SRGAP1: variants seen among roughly 807,000 people sequenced by gnomAD.
The protein encoded by SRGAP1 is SLIT-ROBO Rho GTPase-activating protein 1.
A neutral mutation model predicts 121.9 loss-of-function variants in SRGAP1; 43 were observed. The ratio of observed to expected loss-of-function variants is 0.35; its 90% CI spans 0.28 to 0.46. SRGAP1 has a LOEUF of 0.46. SRGAP1 is among the 20% of genes least tolerant of loss of function. The pLI is 1.00. For missense variants in SRGAP1, 1,102 were observed against 1,350.9 expected (o/e 0.82, Z 2.89); for synonymous variants, 447 against 485.4 (o/e 0.92, Z 1.04).
chr12:64,144,771 A>G lies in SRGAP1; in HGVS notation c.*2099A>G, dbSNP rs947717472. On this transcript the variant is annotated 3_prime_UTR_variant, in exon 22 of 22. Coordinates refer to ENST00000355086, the MANE Select transcript of SRGAP1 (RefSeq NM_020762.4). ...CAGCCAAGACTGAGCTTTGAATAGCACTAGCCCTTTTAAACAATCCTCACA... is the reference window on the plus strand; with the variant it reads ...CAGCCAAGACTGAGCTTTGAATAGCGCTAGCCCTTTTAAACAATCCTCACA... The G allele has an allele frequency of 1.3e-5, 2 of 149,944 alleles. No homozygotes were observed. The highest frequency in any genetic ancestry group is 1.3e-4 in the Admixed American group (2 of 14,938). 9.3% of individuals were successfully genotyped at this position (149,944 alleles called of 1,614,324 possible). A position where few individuals can be genotyped will look rare whatever the true frequency, so the allele number is the denominator to read the frequency against.
intron 3 of SRGAP1, among the ~76,000 whole-genome samples, chr12:63,998,103 A>G (rs760810914): frequency 3.9e-5 from 6 of 152,134 alleles, no homozygotes; most frequent in Non-Finnish European, 7.3e-5. Context: ...GTGACATACT[A>G]TATATTTACT....
At chr12:63,902,611 C>T (rs548308278) in intron 1 of SRGAP1, among the ~76,000 whole-genome samples, 17 of 152,264 alleles carry the variant, frequency 1.1e-4, no homozygotes, top group African/African-American at 4.1e-4. Context: ...TAACTAAATC[C>T]ATTTTAATAT....
chr12:63,893,872 T>A (rs377610179), intron 1 of SRGAP1, among the ~76,000 whole-genome samples: 7 of 152,262 alleles, frequency 4.6e-5, no homozygotes, highest in African/African-American at 1.4e-4. Context: ...AGAGTCTTGC[T>A]CTGTTGCCCA....
In SRGAP1 at chr12:63,949,188, T is replaced by TTTTCCATATATATATATA. The variant is rs2032193861; in HGVS notation, c.68-34756_68-34755insCCATATATATATATATTT. ...TATATATATTTTTTCCATATATATT[T>TTTTCCATATATATATATA]TTTTTTCCATATATATATATATTTT... is the stretch of plus-strand genomic sequence containing the variant. On this transcript the variant is annotated intron_variant, in intron 1 of 21. Transcript: ENST00000355086. Among the ~76,000 whole-genome samples the TTTTCCATATATATATATA allele has an allele frequency of 2.2e-5, 3 of 136,592 alleles. No individual in the cohort carries two copies. The South Asian group carries it at 6.8e-4, about 31-fold the overall frequency. 89.6% of individuals were successfully genotyped at this position (136,592 alleles called of 152,430 possible).
chr12:64,154,709 G>A lies in SRGAP1; in HGVS notation c.*12037G>A, dbSNP rs1414237799. The A allele has an allele frequency of 6.6e-6, 1 of 152,192 alleles. No homozygotes were observed. The highest frequency in any genetic ancestry group is 1.5e-5 in the Non-Finnish European group (1 of 68,058). The allele number at this position is 152,192 out of a possible 1,614,324, so 9.4% of individuals were successfully genotyped here. On this transcript the variant is annotated 3_prime_UTR_variant, in exon 22 of 22. Coordinates refer to ENST00000355086, the MANE Select transcript of SRGAP1 (RefSeq NM_020762.4). ...TTAGACTTCCAAGTGGAGAAGTCTA[G>A]GAGGCAGATGGACTTGAAGCTCAGG...
In SRGAP1 at chr12:64,095,001, T is replaced by TA. The variant is rs760900167; in HGVS notation, c.1600+12dup. ...GTTCATCAATCTCTATGGTAAGCCA[T>TA]AAACTACAGAATTCTTATTTTTTAA... On this transcript the variant is annotated intron_variant, in intron 13 of 21. Coordinates refer to ENST00000355086, the MANE Select transcript of SRGAP1 (RefSeq NM_020762.4). 2.5e-6 allele frequency: 4 copies of TA among 1,613,876 alleles called. No individual in the cohort carries two copies. The South Asian group carries it at 4.4e-5, about 18-fold the overall frequency.
chr12:63,967,066 T>A (rs1475528130), intron 1 of SRGAP1, among the ~76,000 whole-genome samples: 1 of 152,250 alleles, frequency 6.6e-6, no homozygotes, highest in Non-Finnish European at 1.5e-5. Context: ...TCTGGAAGTT[T>A]GATATTTATT....
chr12:63,959,060 A>G (rs2032558607), intron 1 of SRGAP1, among the ~76,000 whole-genome samples: 1 of 152,178 alleles, frequency 6.6e-6, no homozygotes, highest in African/African-American at 2.4e-5. Context: ...CCAGAAGATG[A>G]GAGTTACTTT....
intron 1 of SRGAP1, among the ~76,000 whole-genome samples, chr12:63,945,573 A>T (rs574232151): frequency 6.6e-6 from 1 of 152,218 alleles, no homozygotes; most frequent in Non-Finnish European, 1.5e-5. Flanking sequence ...TATCTTGTGG[A>T]TTCCACAACT....
At position 63,899,100 on chromosome 12, in the gene SRGAP1, C is replaced by T. The variant is rs538107048; in HGVS notation, c.67+54217C>T. On this transcript the variant is annotated intron_variant, in intron 1 of 21. Transcript: ENST00000355086. ...CTCAAAAATAGAACCAGGCTGGGCACGATGGCTCACACCTGTAATCCCAGC... is the reference window on the plus strand; with the variant it reads ...CTCAAAAATAGAACCAGGCTGGGCATGATGGCTCACACCTGTAATCCCAGC... Among the ~76,000 whole-genome samples, 9 of 152,232 alleles carry T rather than the reference C, an allele frequency of 5.9e-5. No homozygotes were observed. In the East Asian group the frequency reaches 7.7e-4, roughly 13 times the overall value.
At chr12:64,059,437 G>A (rs372815433) in intron 6 of SRGAP1, among the ~76,000 whole-genome samples, 5 of 151,842 alleles carry the variant, frequency 3.3e-5, no homozygotes, top group African/African-American at 1.2e-4. Context: ...TTTTGTGGGA[G>A]GTGGAGGCTT....
chr12:63,954,205 A>G (rs961643731), intron 1 of SRGAP1, among the ~76,000 whole-genome samples: 2 of 152,254 alleles, frequency 1.3e-5, no homozygotes, highest in African/African-American at 2.4e-5. Flanking sequence ...GTAGTTTTAT[A>G]TAACTCTATT....
intron 1 of SRGAP1, among the ~76,000 whole-genome samples, chr12:63,941,512 G>A (rs371102781): frequency 6.6e-6 from 1 of 152,056 alleles, no homozygotes; most frequent in African/African-American, 2.4e-5. Flanking sequence ...GAAGCTCATG[G>A]TTTTCTCTAA....
intron 17 of SRGAP1, among the ~76,000 whole-genome samples, chr12:64,115,610 A>C (rs997009918): frequency 1.3e-5 from 2 of 152,024 alleles, no homozygotes; most frequent in African/African-American, 2.4e-5. Flanking sequence ...AAAAATTAAA[A>C]ATTAGTCAGG....
At chr12:63,922,159 A>T (rs2031082859) in intron 1 of SRGAP1, among the ~76,000 whole-genome samples, 1 of 151,890 alleles carries the variant, frequency 6.6e-6, no homozygotes, top group Admixed American at 6.6e-5. Context: ...TTGTATTTTT[A>T]TTAGAGACGG....
intron 1 of SRGAP1, among the ~76,000 whole-genome samples, chr12:63,882,771 A>G (rs1216366772): frequency 6.6e-6 from 1 of 152,204 alleles, no homozygotes; most frequent in Admixed American, 6.5e-5. Context: ...AAATTAACTA[A>G]CTTCTTAGAT....
chr12:64,036,078 CG>C lies in SRGAP1; in HGVS notation c.490-6709del, dbSNP rs1342141940. ...TGGTTCCAGAGTCTGTGTTCATCAG[CG>C]GGTTTGGCCAGGTATACTAAAGAGC... On this transcript the variant is annotated intron_variant, in intron 4 of 21. Transcript: ENST00000355086. Among the ~76,000 whole-genome samples, 5 of 152,264 alleles carry C rather than the reference CG, an allele frequency of 3.3e-5. No individual in the cohort carries two copies. In the East Asian group the frequency reaches 7.7e-4, roughly 24 times the overall value.
chr12:63,979,281 A>G (rs1365822499), intron 1 of SRGAP1, among the ~76,000 whole-genome samples: 1 of 151,654 alleles, frequency 6.6e-6, no homozygotes, highest in African/African-American at 2.4e-5. Flanking sequence ...CTCATAATCC[A>G]CCTGCCTCGG....
At chr12:63,908,555 A>G (rs570306159) in intron 1 of SRGAP1, among the ~76,000 whole-genome samples, 135 of 152,170 alleles carry the variant, frequency 8.9e-4, no homozygotes, top group African/African-American at 3.2e-3. Flanking sequence ...ACACCTGGCT[A>G]ACTTTTGTAT....
Sources: gnomAD v4.1 joint callset for allele counts (sites outside exome capture counted in the v4.1 genomes callset) on GRCh38, gnomAD v4.1.1 for gene constraint, MANE v1.5 for transcripts, NCBI Gene and HGNC (gene_info 2026-07-23, HGNC 2026-07-21) for gene names.